The following GEMIN8 variants were observed in gnomAD, a reference collection of about 807,000 sequenced individuals.
GEMIN8 encodes the protein gem nuclear organelle associated protein 8.
For missense variants in GEMIN8, 185 were observed against 205.9 expected (o/e 0.90, Z 0.62); for synonymous variants, 80 against 78.5 (o/e 1.02, Z -0.10).
At chrX:13,986,720 C>A in the GEMIN8 span, among the ~76,000 whole-genome samples, 4 of 112,150 alleles carry the variant, frequency 3.6e-5, no homozygotes, top group African/African-American at 1.3e-4. Context: ...GCAACAGGGG[C>A]TGAGAAATGT....
chrX:14,000,685 A>T, the GEMIN8 span, among the ~76,000 whole-genome samples: 1 of 111,626 alleles, frequency 9.0e-6, no homozygotes, highest in Non-Finnish European at 1.9e-5. Flanking sequence ...ATTTGGAATT[A>T]TTCTGTAAGG....
At chrX:14,011,233 G>T (rs1305957582) in intron 4 of GEMIN8, among the ~76,000 whole-genome samples, 1 of 111,430 alleles carries the variant, frequency 9.0e-6, no homozygotes, top group Non-Finnish European at 1.9e-5. Context: ...GAGCGGGGGT[G>T]ACCTAGGACA....
At chrX:14,026,269 C>T in intron 1 of GEMIN8, 48 bp from the exon 2 acceptor site, 1 of 752,373 alleles carries the variant, frequency 1.3e-6, no homozygotes. Flanking sequence ...GGATCCGCAG[C>T]TCTACAAACC....
rs977625333 is a variant in GEMIN8, at chrX:14,029,590, T to C, written c.-116+187A>G. 6 of 112,967 alleles carry C rather than the reference T, an allele frequency of 5.3e-5. No homozygotes were observed. In the Admixed American group the frequency reaches 5.6e-4, roughly 10 times the overall value. 9.3% of individuals were successfully genotyped at this position (112,967 alleles called of 1,213,427 possible). ...CTCTGGGACTGGTCCCCTCTCACAATTAACCTGCAATGATTTAGGAATCTC... is the reference window on the plus strand; with the variant it reads ...CTCTGGGACTGGTCCCCTCTCACAACTAACCTGCAATGATTTAGGAATCTC... On this transcript the variant is annotated intron_variant, in intron 1 of 4. Coordinates refer to ENST00000680255, the MANE Select transcript of GEMIN8 (RefSeq NM_001042479.2).
intron 2 of GEMIN8, among the ~76,000 whole-genome samples, chrX:14,025,278 T>C (rs1924617741): frequency 9.1e-6 from 1 of 110,244 alleles, no homozygotes; most frequent in Non-Finnish European, 1.9e-5. Context: ...GAGATAAATA[T>C]TTTAGGCTTG....
intron 4 of GEMIN8, among the ~76,000 whole-genome samples, chrX:14,013,045 C>T (rs1334224941): frequency 3.1e-4 from 35 of 112,609 alleles, no homozygotes; most frequent in Non-Finnish European, 9.4e-5. Flanking sequence ...TGTGAAAGTA[C>T]TTTAGCGTGT....
chrX:13,996,312 A>G, the GEMIN8 span, among the ~76,000 whole-genome samples: 1 of 111,875 alleles, frequency 8.9e-6, no homozygotes, highest in African/African-American at 3.3e-5. Flanking sequence ...GGCTAATTGT[A>G]TATCTGTATT....
intron 4 of GEMIN8, among the ~76,000 whole-genome samples, chrX:14,012,198 A>G (rs749449170): frequency 1.9e-5 from 2 of 107,603 alleles, no homozygotes; most frequent in African/African-American, 3.4e-5. Flanking sequence ...GCTCACTGCA[A>G]CCTCTGCCTC....
chrX:13,994,579 AAT>A, the GEMIN8 span, among the ~76,000 whole-genome samples: 3 of 112,387 alleles, frequency 2.7e-5, no homozygotes, highest in African/African-American at 9.7e-5. Context: ...GGATGCTTAA[AAT>A]ATGTTTGTGG....
chrX:13,996,901 G>T, the GEMIN8 span, among the ~76,000 whole-genome samples: 2 of 108,346 alleles, frequency 1.8e-5, no homozygotes, highest in African/African-American at 6.8e-5. Context: ...AGAAAGCAGA[G>T]GCTTATAAAA....
chrX:13,996,734 A>G, the GEMIN8 span, among the ~76,000 whole-genome samples: 2 of 111,346 alleles, frequency 1.8e-5, no homozygotes, highest in Admixed American at 9.6e-5. Context: ...TTACTTGCAA[A>G]AAAGGCTGCA....
intron 1 of GEMIN8, 154 bp from the exon 2 acceptor site, chrX:14,026,375 C>A: frequency 1.3e-6 from 1 of 749,665 alleles, no homozygotes; most frequent in South Asian, 6.8e-5. Context: ...CCTCAACCAC[C>A]AAAGAAGGAA....
intron 4 of GEMIN8, among the ~76,000 whole-genome samples, chrX:14,019,015 C>T (rs146826961): frequency 2.6e-3 from 288 of 111,395 alleles, no homozygotes; most frequent in African/African-American, 5.5e-3. Flanking sequence ...GAATCACGGA[C>T]GAAGATACTA....
At chrX:13,989,689 T>C in the GEMIN8 span, among the ~76,000 whole-genome samples, 3 of 112,507 alleles carry the variant, frequency 2.7e-5, no homozygotes, top group African/African-American at 9.7e-5. Flanking sequence ...TGACATGGGA[T>C]TGCTTCCTCT....
the GEMIN8 span, among the ~76,000 whole-genome samples, chrX:14,000,291 C>T: frequency 1.8e-5 from 2 of 110,710 alleles, no homozygotes; most frequent in Non-Finnish European, 3.8e-5. Flanking sequence ...CAGAGCAAGA[C>T]CCTGTCTCTA....
the GEMIN8 span, among the ~76,000 whole-genome samples, chrX:14,000,202 A>G: frequency 9.0e-6 from 1 of 110,779 alleles, no homozygotes; most frequent in Non-Finnish European, 1.9e-5. Flanking sequence ...GGAAGTGTTG[A>G]GGTGGGAGAA....
downstream of GEMIN8, among the ~76,000 whole-genome samples, chrX:14,004,242 G>C (rs1199097353): frequency 8.9e-6 from 1 of 112,224 alleles, no homozygotes; most frequent in African/African-American, 3.2e-5. Flanking sequence ...ATGTAGTCTA[G>C]CTCATTTCTC....
chrX:14,018,778 T>C (rs1924107555), intron 4 of GEMIN8, among the ~76,000 whole-genome samples: 1 of 102,974 alleles, frequency 9.7e-6, no homozygotes, highest in Admixed American at 1.0e-4. Context: ...TTTTTTTTTT[T>C]TTTTTGAGCC....
At chrX:14,000,314 A>C in the GEMIN8 span, among the ~76,000 whole-genome samples, 5 of 108,110 alleles carry the variant, frequency 4.6e-5, no homozygotes, top group African/African-American at 1.0e-4. Context: ...AAAGAAATTT[A>C]GGCCGGGCGC....
Sources: gnomAD v4.1 joint callset for allele counts (sites outside exome capture counted in the v4.1 genomes callset) on GRCh38, gnomAD v4.1.1 for gene constraint, MANE v1.5 for transcripts, NCBI Gene and HGNC (gene_info 2026-07-23, HGNC 2026-07-21) for gene names.